Variants in KLF12 observed in about 807,000 individuals in gnomAD.
KLF12 encodes the protein KLF transcription factor 12, also known as Krueppel-like factor 12.
A neutral mutation model predicts 37.8 loss-of-function variants in KLF12; 9 were observed. The ratio of observed to expected loss-of-function variants is 0.24; its 90% CI spans 0.14 to 0.42. The LOEUF (loss-of-function observed/expected upper bound fraction) is 0.42. KLF12 is among the 10% of genes least tolerant of loss of function. The probability of loss-of-function intolerance (pLI) is 1.00; values close to 1 mark genes in which losing one functional copy is unlikely to be tolerated. For synonymous variants in KLF12, 208 were observed against 202.1 expected (o/e 1.03, Z -0.25); for missense variants, 411 against 516.0 (o/e 0.80, Z 1.97).
At chr13:74,245,162 T>G in the KLF12 span, among the ~76,000 whole-genome samples, 1 of 152,174 alleles carries the variant, frequency 6.6e-6, no homozygotes, top group African/African-American at 2.4e-5. Flanking sequence ...GTATTATTAT[T>G]TATTGAGACA....
the KLF12 span, among the ~76,000 whole-genome samples, chr13:74,242,756 G>T: frequency 6.6e-6 from 1 of 152,186 alleles, no homozygotes; most frequent in Non-Finnish European, 1.5e-5. Flanking sequence ...CAAGGGGAAA[G>T]AAGGCGTGGC....
At chr13:74,297,831 G>T in the KLF12 span, among the ~76,000 whole-genome samples, 1 of 152,090 alleles carries the variant, frequency 6.6e-6, no homozygotes, top group Admixed American at 6.6e-5. Flanking sequence ...TTGAAATCTT[G>T]TATTTTCTCC....
At chr13:74,012,963 T>C (rs1363601187) in intron 1 of KLF12, among the ~76,000 whole-genome samples, 2 of 152,234 alleles carry the variant, frequency 1.3e-5, no homozygotes, top group Non-Finnish European at 2.9e-5. Context: ...TGGACCATTT[T>C]TCTGAGGAAA....
At chr13:73,778,418 G>A (rs1200938890) in intron 5 of KLF12, among the ~76,000 whole-genome samples, 2 of 152,132 alleles carry the variant, frequency 1.3e-5, no homozygotes, top group South Asian at 2.1e-4. Context: ...TGGAGCGCAC[G>A]TGGTGCAATC....
At chr13:73,747,327 G>A (rs145650236) in intron 6 of KLF12, among the ~76,000 whole-genome samples, 3 of 152,228 alleles carry the variant, frequency 2.0e-5, no homozygotes, top group African/African-American at 4.8e-5. Context: ...TTTTAGCTAC[G>A]GAGAAGGCTG....
chr13:74,183,745 G>T, the KLF12 span, among the ~76,000 whole-genome samples: 1 of 152,122 alleles, frequency 6.6e-6, no homozygotes, highest in Non-Finnish European at 1.5e-5. Context: ...AGACCAGCCT[G>T]GCCAATATAG....
At chr13:74,083,454 C>T (rs77163902) in intron 1 of KLF12, among the ~76,000 whole-genome samples, 6,198 of 150,192 alleles carry the variant, frequency 0.041, 163 homozygotes, top group South Asian at 0.089. Context: ...CTGCACTGAA[C>T]CGTGATTGTG....
At chr13:74,174,469 G>C in the KLF12 span, among the ~76,000 whole-genome samples, 1 of 151,316 alleles carries the variant, frequency 6.6e-6, no homozygotes, top group Non-Finnish European at 1.5e-5. Context: ...CTCCATCTCC[G>C]ACCTCATGAT....
intron 5 of KLF12, among the ~76,000 whole-genome samples, chr13:73,807,992 G>A (rs1296556680): frequency 6.6e-6 from 1 of 152,102 alleles, no homozygotes; most frequent in African/African-American, 2.4e-5. Flanking sequence ...GAAAGGGGGT[G>A]CAAAAATTAG....
chr13:74,219,446 T>G, the KLF12 span, among the ~76,000 whole-genome samples: 1 of 152,246 alleles, frequency 6.6e-6, no homozygotes, highest in Non-Finnish European at 1.5e-5. Flanking sequence ...CTCCTATTGA[T>G]GTACATTTTG....
At chr13:73,850,031 G>A (rs1885252281) in intron 3 of KLF12, among the ~76,000 whole-genome samples, 1 of 151,972 alleles carries the variant, frequency 6.6e-6, no homozygotes, top group Admixed American at 6.6e-5. Context: ...TCCTTGAAAA[G>A]GTACACTGTA....
chr13:73,949,929 A>G lies in KLF12; in HGVS notation c.34-5859T>C, dbSNP rs186003518. Among the ~76,000 whole-genome samples, 194 of 150,448 alleles carry G rather than the reference A, an allele frequency of 1.3e-3. 1 individual carries two copies. Among genetic ancestry groups the G allele is most frequent in the African/African-American group, 4.4e-3 (184 of 41,494 alleles). On this transcript the variant is annotated intron_variant, in intron 2 of 7. Transcript: ENST00000377669. ...AAATAAGAGCCAAAACCATAGGCCTATTGGGACTCTCAACTAAAATCCCCC... is the reference window on the plus strand; with the variant it reads ...AAATAAGAGCCAAAACCATAGGCCTGTTGGGACTCTCAACTAAAATCCCCC...
the KLF12 span, among the ~76,000 whole-genome samples, chr13:74,217,675 C>T: frequency 1.8e-4 from 27 of 152,076 alleles, no homozygotes; most frequent in Admixed American, 7.9e-4. Context: ...TGCAGTGAGC[C>T]GAGATTGCGC....
At chr13:73,982,526 A>G (rs1039528891) in intron 2 of KLF12, among the ~76,000 whole-genome samples, 1 of 152,274 alleles carries the variant, frequency 6.6e-6, no homozygotes, top group African/African-American at 2.4e-5. Flanking sequence ...GACAACTGTC[A>G]GAAAGGATAT....
chr13:74,006,860 C>T lies in KLF12; in HGVS notation c.-31-11807G>A, dbSNP rs555275653. On this transcript the variant is annotated intron_variant, in intron 1 of 7. Transcript: ENST00000377669. ...TAGGTCCTCATTTAACAAGTCTGAA[C>T]GATTGCTCATCTCTAGTCTCTGCTC... is the stretch of plus-strand genomic sequence containing the variant. 7.2e-5 allele frequency among the ~76,000 whole-genome samples: 11 copies of T among 152,304 alleles called. No individual in the cohort carries two copies. The East Asian group carries it at 1.7e-3, about 24-fold the overall frequency.
the KLF12 span, among the ~76,000 whole-genome samples, chr13:74,268,283 C>CT: frequency 6.6e-6 from 1 of 152,090 alleles, no homozygotes; most frequent in African/African-American, 2.4e-5. Context: ...AGGGTGATTA[C>CT]TTTTTTTAGT....
intron 7 of KLF12, among the ~76,000 whole-genome samples, chr13:73,708,080 T>C (rs1053121828): frequency 6.6e-6 from 1 of 152,192 alleles, no homozygotes. Flanking sequence ...TGTGGTTTCA[T>C]AAAGGTAGGG....
At chr13:74,266,425 G>C in the KLF12 span, among the ~76,000 whole-genome samples, 1 of 152,124 alleles carries the variant, frequency 6.6e-6, no homozygotes, top group South Asian at 2.1e-4. Context: ...ATCCACAGCA[G>C]TACTCCCTCA....
Position 73,693,866 on chromosome 13 carries a change from T to C in KLF12, c.*1624A>G, listed in dbSNP as rs193050973. 6.5e-6 allele frequency: 1 copy of C among 152,696 alleles called. No homozygotes were observed. Among genetic ancestry groups the C allele is most frequent in the East Asian group, 1.9e-4 (1 of 5,178 alleles). The allele number at this position is 152,696 out of a possible 1,614,324, so 9.5% of individuals were successfully genotyped here. A position where few individuals can be genotyped will look rare whatever the true frequency, so the allele number is the denominator to read the frequency against. ...GAAAGCTGGAAAAAAACCCAGCTTGTGGTGGGGACAAAAATATGGTAATTT... is the reference window on the plus strand; with the variant it reads ...GAAAGCTGGAAAAAAACCCAGCTTGCGGTGGGGACAAAAATATGGTAATTT... On this transcript the variant is annotated 3_prime_UTR_variant, in exon 8 of 8. Coordinates refer to ENST00000377669, the MANE Select transcript of KLF12 (RefSeq NM_007249.5).
Sources: allele counts gnomAD v4.1 joint callset (sites outside exome capture counted in the v4.1 genomes callset), GRCh38; gene constraint gnomAD v4.1.1; transcripts MANE v1.5; gene names NCBI Gene and HGNC (gene_info 2026-07-23, HGNC 2026-07-21).